SAMD3: variants seen among roughly 807,000 people sequenced by gnomAD.
SAMD3 encodes the protein sterile alpha motif domain containing 3, also known as sterile alpha motif domain-containing protein 3.
SAMD3 carries 63 observed loss-of-function variants against 58.5 expected under a neutral mutation model. The observed-to-expected ratio is 1.08, with a 90% CI of 0.88 to 1.33. The LOEUF (loss-of-function observed/expected upper bound fraction) is 1.33, where lower values mean the gene tolerates loss of function less well. Ranked by LOEUF, SAMD3 falls within the 40% of genes most tolerant of loss-of-function variation. The pLI is 0.00. For missense variants in SAMD3, 604 were observed against 608.4 expected (o/e 0.99, Z 0.08); for synonymous variants, 220 against 210.3 (o/e 1.05, Z -0.40).
chr6:130,150,535 C>T (rs1345184396), intron 9 of SAMD3, among the ~76,000 whole-genome samples: 2 of 152,154 alleles, frequency 1.3e-5, no homozygotes, highest in African/African-American at 2.4e-5. Context: ...ATCTTCTGGT[C>T]CTGTCAGACT....
rs201522775 is a variant in SAMD3, at chr6:130,184,501, C to G, written c.506G>C (p.Ser169Thr). 1.5e-5 allele frequency: 24 copies of G among 1,614,062 alleles called. No individual in the cohort carries two copies. The highest frequency in any genetic ancestry group is 1.5e-5 in the Non-Finnish European group (18 of 1,180,018). Residue 169 changes from serine (S) to threonine (T), a missense_variant, in exon 6 of 12, where the codon AGC becomes ACC. Coordinates refer to ENST00000439090, the MANE Select transcript of SAMD3 (RefSeq NM_001017373.4). Reference sequence around the variant, plus strand: ...AAACTCAATGATCCTTATCCTCATGCTGTGATCCGGGCACTTCTGCTCTGC... The same window carrying G: ...AAACTCAATGATCCTTATCCTCATGGTGTGATCCGGGCACTTCTGCTCTGC... ...MLAEQKCPDH[S>T]MRIRIIEFLQ...
chr6:130,239,921 G>T (rs768795490), intron 2 of SAMD3, among the ~76,000 whole-genome samples: 4 of 152,298 alleles, frequency 2.6e-5, no homozygotes, highest in South Asian at 4.1e-4. Context: ...AATAGGAGGG[G>T]TGTGTCCAAG....
intron 8 of SAMD3, chr6:130,175,617 A>C (rs183254336): frequency 8.9e-4 from 324 of 363,352 alleles, no homozygotes; most frequent in African/African-American, 6.1e-3. Flanking sequence ...TTGTGAAAAA[A>C]ACTGGACACG....
At chr6:130,243,384 C>G (rs1046902002) in intron 2 of SAMD3, among the ~76,000 whole-genome samples, 12 of 152,120 alleles carry the variant, frequency 7.9e-5, no homozygotes, top group African/African-American at 2.9e-4. Context: ...ACCTCTACCT[C>G]CCCATGGCTC....
intron 8 of SAMD3, among the ~76,000 whole-genome samples, chr6:130,175,237 G>T (rs1791611142): frequency 1.3e-5 from 2 of 152,172 alleles, no homozygotes; most frequent in Non-Finnish European, 2.9e-5. Context: ...CTCTGAGGTA[G>T]AAAAGGAATA....
intron 7 of SAMD3, among the ~76,000 whole-genome samples, chr6:130,181,792 T>C (rs1278115009): frequency 6.6e-6 from 1 of 152,132 alleles, no homozygotes; most frequent in Non-Finnish European, 1.5e-5. Flanking sequence ...CTTTTGTAGT[T>C]TTTGAATTTT....
chr6:130,345,715 T>C lies in SAMD3; in HGVS notation c.-304+19405A>G, dbSNP rs781374137. 7.2e-5 allele frequency among the ~76,000 whole-genome samples: 11 copies of C among 152,082 alleles called. 1 individual carries two copies. The highest frequency in any genetic ancestry group is 1.2e-4 in the Non-Finnish European group (8 of 68,010). ...GACACTGAGCTTCTTCTAGGCCCCA[T>C]AACACAGCAGGAAGGAGAGAATTTG... On this transcript the variant is annotated intron_variant, in intron 1 of 13. Coordinates refer to the SAMD3 transcript ENST00000368134.
chr6:130,230,301 C>G (rs1350021500), intron 2 of SAMD3, among the ~76,000 whole-genome samples: 1 of 152,140 alleles, frequency 6.6e-6, no homozygotes, highest in Non-Finnish European at 1.5e-5. Flanking sequence ...GGCAGGGGGA[C>G]TTTTTTGTGC....
At chr6:130,262,808 T>G (rs1235845503) in intron 2 of SAMD3, among the ~76,000 whole-genome samples, 1 of 152,186 alleles carries the variant, frequency 6.6e-6, no homozygotes, top group Admixed American at 6.5e-5. Flanking sequence ...TTTAAAGGTT[T>G]AATCAAGTTT....
intron 2 of SAMD3, 172 bp from the exon 3 acceptor site, chr6:130,215,466 C>T (rs1795950680): frequency 1.5e-6 from 2 of 1,325,992 alleles, no homozygotes; most frequent in African/African-American, 1.5e-5. Context: ...ACAAAACACA[C>T]ACTCACTTTA....
chr6:130,256,335 A>G (rs1190341768), intron 2 of SAMD3, among the ~76,000 whole-genome samples: 5 of 152,264 alleles, frequency 3.3e-5, no homozygotes, highest in Non-Finnish European at 7.4e-5. Context: ...TTACCTAGTT[A>G]TATGCCCTTT....
At chr6:130,348,632 G>A (rs1231266887) in intron 1 of SAMD3, among the ~76,000 whole-genome samples, 2 of 152,286 alleles carry the variant, frequency 1.3e-5, no homozygotes, top group East Asian at 3.9e-4. Flanking sequence ...AATAATGGGA[G>A]ACTTTAACAC....
chr6:130,287,786 A>C (rs893993912), intron 2 of SAMD3, among the ~76,000 whole-genome samples: 5 of 152,174 alleles, frequency 3.3e-5, no homozygotes, highest in Non-Finnish European at 1.5e-5. Flanking sequence ...TCTACTAAAA[A>C]TACAAAAATT....
At chr6:130,347,513 G>A (rs1777493819) in intron 1 of SAMD3, among the ~76,000 whole-genome samples, 1 of 152,130 alleles carries the variant, frequency 6.6e-6, no homozygotes, top group Non-Finnish European at 1.5e-5. Flanking sequence ...GAAGTGAGAA[G>A]AGAAGACTAG....
chr6:130,175,591 T>C (rs537846877), intron 8 of SAMD3, among the ~76,000 whole-genome samples: 2 of 152,294 alleles, frequency 1.3e-5, no homozygotes, highest in South Asian at 4.1e-4. Context: ...TAAGGGTTTT[T>C]TGAAGTTTTT....
At chr6:130,196,085 A>C (rs185897731) in intron 5 of SAMD3, among the ~76,000 whole-genome samples, 1 of 152,198 alleles carries the variant, frequency 6.6e-6, no homozygotes, top group African/African-American at 2.4e-5. Context: ...GTGCAGTCAG[A>C]ATTTTTACAG....
chr6:130,210,335 A>T (rs759013467), intron 4 of SAMD3, among the ~76,000 whole-genome samples: 1 of 152,212 alleles, frequency 6.6e-6, no homozygotes, highest in East Asian at 1.9e-4. Flanking sequence ...TGGTGGCTCA[A>T]CATCTGTAAT....
intron 9 of SAMD3, among the ~76,000 whole-genome samples, chr6:130,148,321 T>C (rs1311587437): frequency 6.6e-6 from 1 of 152,254 alleles, no homozygotes; most frequent in East Asian, 1.9e-4. Context: ...AATCTGATCC[T>C]TTCATTATTT....
At chr6:130,223,973 A>G (rs1029615002), upstream of SAMD3, among the ~76,000 whole-genome samples, 3 of 152,180 alleles carry the variant, frequency 2.0e-5, no homozygotes, top group African/African-American at 7.2e-5. Context: ...AGAAAAATTG[A>G]ATCACATGTA....
Sources: allele counts gnomAD v4.1 joint callset (sites outside exome capture counted in the v4.1 genomes callset), GRCh38; gene constraint gnomAD v4.1.1; transcripts MANE v1.5; gene names NCBI Gene and HGNC (gene_info 2026-07-23, HGNC 2026-07-21).